Variants in GATAD2B observed in about 807,000 individuals in gnomAD.
GATAD2B encodes the protein GATA zinc finger domain containing 2B, also known as transcriptional repressor p66-beta.
A neutral mutation model predicts 64.3 loss-of-function variants in GATAD2B; 8 were observed. The ratio of observed to expected loss-of-function variants is 0.12; its 90% CI spans 0.07 to 0.22. The LOEUF is 0.22. Among genes scored for constraint, GATAD2B ranks in the 10% least tolerant of loss-of-function variants. The pLI, the probability that GATAD2B is intolerant of heterozygous loss-of-function variation, is 1.00. For synonymous variants in GATAD2B, 281 were observed against 271.3 expected (o/e 1.04, Z -0.35); for missense variants, 453 against 752.0 (o/e 0.60, Z 4.65).
At chr1:153,864,581 C>G (rs1001862814) in intron 1 of GATAD2B, among the ~76,000 whole-genome samples, 71 of 151,988 alleles carry the variant, frequency 4.7e-4, no homozygotes, top group African/African-American at 1.6e-3. Context: ...TGTGCCACTG[C>G]AGTCTAGCTT....
At chr1:153,921,211 A>G (rs1031444143) in intron 1 of GATAD2B, among the ~76,000 whole-genome samples, 1 of 152,192 alleles carries the variant, frequency 6.6e-6, no homozygotes, top group Admixed American at 6.5e-5. Context: ...CTAAACTCCC[A>G]AACAGGATAA....
At chr1:153,865,204 A>G (rs1290989080) in intron 1 of GATAD2B, among the ~76,000 whole-genome samples, 1 of 152,244 alleles carries the variant, frequency 6.6e-6, no homozygotes, top group African/African-American at 2.4e-5. Flanking sequence ...TCACGCCTAT[A>G]ATCCCAGCAC....
At chr1:153,886,295 T>C (rs1273698174) in intron 1 of GATAD2B, 1 of 152,206 alleles carries the variant, frequency 6.6e-6, no homozygotes, top group African/African-American at 2.4e-5. Flanking sequence ...TGGTATAGCC[T>C]ATTGCTCCTA....
chr1:153,813,184 A>G, intron 8 of GATAD2B, 66 bp downstream of exon 8: 1 of 1,264,934 alleles, frequency 7.9e-7, no homozygotes, highest in Admixed American at 1.7e-5. Flanking sequence ...CCTGCAAACT[A>G]GAAGGCGCGA....
chr1:153,869,554 G>A (rs1159266009), intron 1 of GATAD2B, among the ~76,000 whole-genome samples: 1 of 151,880 alleles, frequency 6.6e-6, no homozygotes, highest in Non-Finnish European at 1.5e-5. Context: ...TTACTTTTTT[G>A]GCAATTTATT....
chr1:153,853,151 TA>T, intron 1 of GATAD2B: 1 of 1,422,352 alleles, frequency 7.0e-7, no homozygotes, highest in Non-Finnish European at 9.9e-7. Context: ...CAATCCTGTC[TA>T]GCCCCTTACA....
intron 1 of GATAD2B, among the ~76,000 whole-genome samples, chr1:153,905,388 G>A (rs2101963893): frequency 6.6e-6 from 1 of 151,160 alleles, no homozygotes; most frequent in South Asian, 2.1e-4. Flanking sequence ...AAAAAAATAA[G>A]AAAAATACAG....
intron 1 of GATAD2B, among the ~76,000 whole-genome samples, chr1:153,881,727 TAGAGAA>T (rs1677015970): frequency 6.6e-6 from 1 of 151,940 alleles, no homozygotes; most frequent in Admixed American, 6.6e-5. Flanking sequence ...AGATAAGAAA[TAGAGAA>T]AGAGAACAGA....
intron 1 of GATAD2B, among the ~76,000 whole-genome samples, chr1:153,830,439 C>T (rs1444343051): frequency 1.3e-5 from 2 of 149,538 alleles, no homozygotes; most frequent in East Asian, 2.0e-4. Flanking sequence ...AGCCACTGTG[C>T]CCGGCCTGTT....
At chr1:153,818,263 G>A (rs757690853) in intron 4 of GATAD2B, 92 bp from the exon 5 acceptor site, 71 of 1,126,732 alleles carry the variant, frequency 6.3e-5, no homozygotes, top group Non-Finnish European at 7.4e-5. Context: ...TGGTCAGTGT[G>A]AGGTTCTTGT....
chr1:153,830,506 C>T (rs1200588144), intron 1 of GATAD2B, among the ~76,000 whole-genome samples: 2 of 126,158 alleles, frequency 1.6e-5, no homozygotes, highest in Non-Finnish European at 3.3e-5. Context: ...GACAGAGTCT[C>T]GCTCTGTCGC....
chr1:153,914,227 CAAAA>C (rs759245034), intron 1 of GATAD2B, among the ~76,000 whole-genome samples: 758 of 65,906 alleles, frequency 0.012, 5 homozygotes, highest in African/African-American at 0.041. Context: ...CCCAGACTCT[CAAAA>C]AAAAAAAAAA....
chr1:153,834,560 T>C (rs950926196), intron 1 of GATAD2B, among the ~76,000 whole-genome samples: 3 of 151,978 alleles, frequency 2.0e-5, no homozygotes, highest in Non-Finnish European at 4.4e-5. Flanking sequence ...CCAGCTAATT[T>C]TGTATTTTTA....
chr1:153,875,435 C>T (rs753122325), intron 1 of GATAD2B, among the ~76,000 whole-genome samples: 2 of 151,986 alleles, frequency 1.3e-5, no homozygotes, highest in African/African-American at 4.8e-5. Flanking sequence ...TGTCCTGGGC[C>T]GCATGCAGCC....
intron 1 of GATAD2B, among the ~76,000 whole-genome samples, chr1:153,839,151 G>C (rs1204732302): frequency 7.1e-6 from 1 of 140,712 alleles, no homozygotes; most frequent in Non-Finnish European, 1.5e-5. Context: ...TTAAGGAAGA[G>C]AGTAGTTGTG....
At chr1:153,902,946 G>A (rs1034991382) in intron 1 of GATAD2B, among the ~76,000 whole-genome samples, 8 of 152,156 alleles carry the variant, frequency 5.3e-5, no homozygotes, top group African/African-American at 1.4e-4. Flanking sequence ...AGCCGGCCGC[G>A]GTGGCTCACG....
intron 1 of GATAD2B, among the ~76,000 whole-genome samples, chr1:153,900,652 C>A (rs1037140432): frequency 6.6e-6 from 1 of 152,086 alleles, no homozygotes; most frequent in African/African-American, 2.4e-5. Flanking sequence ...CAAGTAGTTG[C>A]AACTACAGGC....
rs570316091 is a variant in GATAD2B at position 153,882,674 on chromosome 1, T to C, written c.-2+40059A>G. 7.2e-5 allele frequency among the ~76,000 whole-genome samples: 11 copies of C among 152,330 alleles called. No homozygotes were observed. In the South Asian group the frequency reaches 1.2e-3, roughly 17 times the overall value. On this transcript the variant is annotated intron_variant, in intron 1 of 10. Coordinates refer to ENST00000368655, the MANE Select transcript of GATAD2B (RefSeq NM_020699.4). ...AATATTATTCCACTTTCCTGTGTCA[T>C]AGCTAGAACACTTTACTCTTTGCAT...
chr1:153,861,916 C>A (rs1456646393), intron 1 of GATAD2B, among the ~76,000 whole-genome samples: 1 of 147,898 alleles, frequency 6.8e-6, no homozygotes, highest in Non-Finnish European at 1.5e-5. Context: ...TAGAGAAGGA[C>A]TGCACAAGTC....
Sources: allele counts gnomAD v4.1 joint callset (sites outside exome capture counted in the v4.1 genomes callset), GRCh38; gene constraint gnomAD v4.1.1; transcripts MANE v1.5; gene names NCBI Gene and HGNC (gene_info 2026-07-23, HGNC 2026-07-21).